The following USP28 variants were observed in gnomAD, a reference collection of about 807,000 sequenced individuals.
The protein encoded by USP28 is ubiquitin specific peptidase 28.
Under a neutral mutation model 145.0 loss-of-function variants are expected in USP28, and 113 were observed. The observed-to-expected ratio is 0.78, with a 90% confidence interval of 0.67 to 0.91. The LOEUF (loss-of-function observed/expected upper bound fraction) is 0.91, where lower values mean the gene tolerates loss of function less well. Ranked by LOEUF, USP28 falls within the 40% of genes least tolerant of loss-of-function variation. USP28 has a pLI of 0.00. For synonymous variants in USP28, 447 were observed against 450.9 expected, an observed-to-expected ratio of 0.99 and a Z score of 0.11; for missense variants, 1,201 against 1,289.6, an observed-to-expected ratio of 0.93 and a Z score of 1.05.
intron 12 of USP28, chr11:113,822,516 G>A (rs555327084): frequency 6.6e-6 from 1 of 150,806 alleles, no homozygotes; most frequent in Admixed American, 6.6e-5. Context: ...GTCTCACTAA[G>A]TTGCACAGGC....
intron 16 of USP28, among the ~76,000 whole-genome samples, chr11:113,810,786 T>A (rs980379305): frequency 6.6e-6 from 1 of 152,236 alleles, no homozygotes; most frequent in African/African-American, 2.4e-5. Flanking sequence ...GCAATTCTCC[T>A]GCCTCAGCCT....
intron 4 of USP28, 48 bp downstream of exon 4, chr11:113,841,615 A>T: frequency 8.0e-7 from 1 of 1,246,126 alleles, no homozygotes. Context: ...GTTGCCTTTG[A>T]GATACACACA....
chr11:113,802,713 C>T lies in USP28; in HGVS notation c.2862+445G>A, dbSNP rs140355441. 3.5e-3 allele frequency among the ~76,000 whole-genome samples: 540 copies of T among 152,254 alleles called. 4 individuals carry two copies. Among genetic ancestry groups the T allele is most frequent in the Non-Finnish European group, 6.0e-3 (411 of 68,032 alleles). ...CCTTTATTTTAAAAAAATGGAGTGTCAGAAGTCACTAAAACTTTAAGTCTA... is the reference window on the plus strand; with the variant it reads ...CCTTTATTTTAAAAAAATGGAGTGTTAGAAGTCACTAAAACTTTAAGTCTA... On this transcript the variant is annotated intron_variant, in intron 23 of 24. Transcript: ENST00000003302.
chr11:113,809,302 A>T (rs755012108), intron 16 of USP28, 48 bp from the exon 17 acceptor site: 9 of 1,543,664 alleles, frequency 5.8e-6, no homozygotes, highest in Non-Finnish European at 7.9e-6. Flanking sequence ...GAACGAAAAC[A>T]TCCTTTTTAG....
intron 3 of USP28, among the ~76,000 whole-genome samples, chr11:113,846,631 T>C (rs532754133): frequency 4.6e-5 from 7 of 152,342 alleles, no homozygotes; most frequent in African/African-American, 1.7e-4. Flanking sequence ...AAATCGAATA[T>C]TTGAGATATC....
At chr11:113,839,750 C>T (rs576155083) in intron 5 of USP28, among the ~76,000 whole-genome samples, 3 of 151,736 alleles carry the variant, frequency 2.0e-5, no homozygotes, top group South Asian at 4.2e-4. Flanking sequence ...GGTGGCCAGG[C>T]GCGGTGGCTC....
At chr11:113,823,322 GA>G (rs1473458732) in intron 12 of USP28, among the ~76,000 whole-genome samples, 4 of 151,976 alleles carry the variant, frequency 2.6e-5, no homozygotes, top group Admixed American at 6.6e-5. Context: ...AAGGGGAGTA[GA>G]AAAAAAGTCT....
chr11:113,820,990 C>G (rs1175745163), intron 12 of USP28: 1 of 178,688 alleles, frequency 5.6e-6, no homozygotes, highest in Non-Finnish European at 1.2e-5. Flanking sequence ...TCAGCAGATT[C>G]TTGATGAGAT....
At chr11:113,868,979 A>T (rs1397738792) in intron 1 of USP28, among the ~76,000 whole-genome samples, 1 of 151,972 alleles carries the variant, frequency 6.6e-6, no homozygotes, top group Admixed American at 6.6e-5. Flanking sequence ...AATAAATCTC[A>T]TATGAGGCCC....
chr11:113,827,279 T>C (rs1943484231), exon 11 of USP28: 1 of 1,612,952 alleles, frequency 6.2e-7, no homozygotes, highest in African/African-American at 1.3e-5. Context: ...TTGTGAATTT[T>C]CTCTGGCTGC....
chr11:113,840,626 T>C lies in USP28; in HGVS notation c.506A>G (p.Asn169Ser), dbSNP rs761993522. The change falls in exon 5 of 25, where the codon AAT becomes AGT. Residue 169 changes from asparagine to serine, a missense_variant. Coordinates refer to ENST00000003302, the Ensembl canonical transcript of USP28. ...AATAACAGCACTAAACCAACATGTA[T>C]TGCCAACATTTTTCAGCCCAACTGG... 6.8e-6 allele frequency: 11 copies of C among 1,614,070 alleles called. No homozygotes were observed. In the East Asian group the frequency reaches 1.6e-4, roughly 23 times the overall value.
chr11:113,859,228 A>G (rs575952068), intron 1 of USP28: 1 of 152,294 alleles, frequency 6.6e-6, no homozygotes, highest in Admixed American at 6.5e-5. Flanking sequence ...CTAATAACAA[A>G]GGCAGGCATT....
chr11:113,812,308 T>C, exon 16 of USP28: 1 of 1,614,128 alleles, frequency 6.2e-7, no homozygotes. Flanking sequence ...GTCATTAATG[T>C]ACATCAGACA....
rs1938987525 is a variant in USP28, at chr11:113,801,397, G to C, written c.3058+86C>G. On this transcript the variant is annotated intron_variant, in intron 24 of 24. Coordinates refer to ENST00000003302, the Ensembl canonical transcript of USP28. The stretch of plus-strand genomic sequence containing the variant: ...CTAGAAGGTTCCAATTCCTTAAAAA[G>C]GTTTGGCAACCAGTGCTATCAAGTG... The C allele has an allele frequency of 6.5e-6, 7 of 1,083,228 alleles. No individual in the cohort carries two copies. The Admixed American group carries it at 7.0e-5, about 11-fold the overall frequency. 67.1% of individuals were successfully genotyped at this position (1,083,228 alleles called of 1,614,324 possible). A position where few individuals can be genotyped will look rare whatever the true frequency, so the allele number is the denominator to read the frequency against.
intron 1 of USP28, among the ~76,000 whole-genome samples, chr11:113,869,645 A>G (rs1244741912): frequency 3.3e-5 from 5 of 152,262 alleles, no homozygotes; most frequent in Admixed American, 1.3e-4. Flanking sequence ...AATAGTTCAC[A>G]CCTTGCTGGG....
exon 5 of USP28, chr11:113,840,688 G>GTTTTCT: frequency 1.9e-6 from 3 of 1,614,180 alleles, no homozygotes; most frequent in Non-Finnish European, 2.5e-6. Context: ...TGGGATTGGG[G>GTTTTCT]TTTTCTCCCC....
At chr11:113,815,260 G>A (rs369403486) in exon 14 of USP28, 34 of 1,614,072 alleles carry the variant, frequency 2.1e-5, no homozygotes, top group African/African-American at 1.6e-4. Flanking sequence ...TGTTCGTGGA[G>A]CTGGCTGTGA....
intron 1 of USP28, among the ~76,000 whole-genome samples, chr11:113,861,783 T>C (rs1412301436): frequency 6.6e-6 from 1 of 152,218 alleles, no homozygotes; most frequent in Non-Finnish European, 1.5e-5. Context: ...TATTTTAGAA[T>C]ACATTAAGAC....
intron 1 of USP28, among the ~76,000 whole-genome samples, chr11:113,865,386 A>C (rs1161224263): frequency 6.6e-6 from 1 of 152,224 alleles, no homozygotes; most frequent in Non-Finnish European, 1.5e-5. Context: ...GGAAGAACTA[A>C]AACAACATTG....
Sources: gnomAD v4.1 joint callset for allele counts (sites outside exome capture counted in the v4.1 genomes callset) on GRCh38, gnomAD v4.1.1 for gene constraint, MANE v1.5 for transcripts, NCBI Gene and HGNC (gene_info 2026-07-23, HGNC 2026-07-21) for gene names.